Variants in NRAP observed in about 807,000 individuals in gnomAD.
The protein encoded by NRAP is nebulin related anchoring protein.
NRAP carries 189 observed loss-of-function variants against 225.9 expected under a neutral mutation model. That is an observed-to-expected ratio of 0.84 (90% confidence interval 0.74 to 0.94). NRAP has a LOEUF of 0.94. Ranked by LOEUF, NRAP falls within the 40% of genes least tolerant of loss-of-function variation. The probability of loss-of-function intolerance (pLI) is 0.00; values close to 1 mark genes in which losing one functional copy is unlikely to be tolerated. For missense variants in NRAP, 2,176 were observed against 2,168.7 expected (o/e 1.00, Z -0.07); for synonymous variants, 769 against 790.7 (o/e 0.97, Z 0.46).
Position 113,589,721 on chromosome 10 carries a change from G to C in NRAP, c.5033C>G (p.Ala1678Gly), listed in dbSNP as rs144506958. The C allele has an allele frequency of 6.2e-7, 1 of 1,614,192 alleles. No homozygotes were observed. The highest frequency in any genetic ancestry group is 1.3e-5 in the African/African-American group (1 of 75,046). ...GTTGGCCAGTTCCGCAGCCCGCCGA[G>C]CCATTTCCACTTTGTAGGAGCCAGG... ...TPPGSYKVEM[A>G]RRAAELANAR... Residue 1678 changes from alanine to glycine, a missense_variant, in exon 41 of 42, where the codon GCT (alanine) becomes GGT (glycine). By Grantham distance (60) the Ala-to-Gly change is moderately conservative (BLOSUM62 0). This residue lies in a region of NRAP where 445 missense variants were observed against 426.1 expected (regional missense o/e 1.04). Coordinates refer to ENST00000359988, the MANE Select transcript of NRAP (RefSeq NM_198060.4).
rs183652071 is a variant in NRAP at position 113,651,301 on chromosome 10, A to C, written c.675+502T>G. On this transcript the variant is annotated intron_variant, in intron 7 of 41. Transcript: ENST00000359988. ...AGGGATCTTAAGTGCAAACCACTAC[A>C]TCTTGGCCTTCCTCATTTCTCTCTC... Among the ~76,000 whole-genome samples the C allele has an allele frequency of 2.0e-5, 3 of 152,322 alleles. No homozygotes were observed. In the East Asian group the frequency reaches 5.8e-4, roughly 29 times the overall value.
intron 35 of NRAP, among the ~76,000 whole-genome samples, chr10:113,599,929 A>G (rs1342386255): frequency 6.6e-6 from 1 of 152,274 alleles, no homozygotes; most frequent in African/African-American, 2.4e-5. Context: ...CGGCACCCCC[A>G]TTTTGGAGCA....
At chr10:113,659,268 A>G (rs373874061) in intron 3 of NRAP, among the ~76,000 whole-genome samples, 1 of 152,274 alleles carries the variant, frequency 6.6e-6, no homozygotes, top group East Asian at 1.9e-4. Flanking sequence ...TGGCTCGGGC[A>G]TAGCAAGATG....
Position 113,595,654 on chromosome 10 carries a change from C to G in NRAP, c.4505G>C (p.Arg1502Pro). Residue 1502 changes from arginine to proline, a missense_variant, in exon 38 of 42, where the codon CGA (arginine) becomes CCA (proline). Transcript: ENST00000359988. ...TLIPDHPDFT[R>P]ARLNALHLSD... ...CAGATGCAGCGCATTGAGGCGAGCT[C>G]GGGTGAAATCGGGATGGTCGGGGAT... The G allele has an allele frequency of 6.2e-7, 1 of 1,613,628 alleles. No individual in the cohort carries two copies.
chr10:113,589,509 T>G (rs1845810557), intron 41 of NRAP, 157 bp downstream of exon 41: 6 of 815,278 alleles, frequency 7.4e-6, no homozygotes, highest in Non-Finnish European at 1.1e-5. Flanking sequence ...CCTGGTCATC[T>G]CAGACCCATG....
Position 113,646,915 on chromosome 10 carries a change from G to A in NRAP, c.993+8C>T, listed in dbSNP as rs193051579. 1 of 1,592,836 alleles carries A rather than the reference G, an allele frequency of 6.3e-7. No homozygotes were observed. ...CTGGCTCTGTGGTCACACCTACATG[G>A]TACTTACGTCACTAGCGAGTTCGTG... On this transcript the variant is annotated splice_region_variant and intron_variant, in intron 10 of 41. Transcript: ENST00000359988.
intron 9 of NRAP, among the ~76,000 whole-genome samples, chr10:113,649,187 C>T (rs937718394): frequency 6.6e-6 from 1 of 152,230 alleles, no homozygotes; most frequent in African/African-American, 2.4e-5. Flanking sequence ...CCTTCACACA[C>T]ATCCTAAGAC....
At chr10:113,660,482 T>C (rs1446308408) in intron 3 of NRAP, among the ~76,000 whole-genome samples, 1 of 152,108 alleles carries the variant, frequency 6.6e-6, no homozygotes, top group Non-Finnish European at 1.5e-5. Flanking sequence ...TGGCTGGAAA[T>C]AGAACCAGCA....
At chr10:113,662,426 A>C (rs1251630534) in intron 3 of NRAP, among the ~76,000 whole-genome samples, 1 of 152,124 alleles carries the variant, frequency 6.6e-6, no homozygotes, top group African/African-American at 2.4e-5. Flanking sequence ...GCTATAGGAC[A>C]TTACAACATG....
rs371831869 is a variant in NRAP at position 113,612,339 on chromosome 10, G to A, written c.3393C>T (p.Thr1131=). The A allele has an allele frequency of 1.9e-5, 31 of 1,614,004 alleles. 1 individual carries two copies. Among genetic ancestry groups the A allele is most frequent in the Non-Finnish European group, 2.5e-5 (30 of 1,180,002 alleles). Residue 1131 remains threonine, a synonymous_variant, in exon 30 of 42, where the codon ACC becomes ACT. Coordinates refer to ENST00000359988, the MANE Select transcript of NRAP (RefSeq NM_198060.4). The part of the protein sequence containing the change: ...AALVHAKKAQ[T]LASNQDYKHP... ...GTTTGTAGTCCTGATTGCTGGCCAG[G>A]GTCTGAGCCTTCTTGGCATGCACCA... is the stretch of plus-strand genomic sequence containing the variant.
chr10:113,629,626 T>G lies in NRAP; in HGVS notation c.2002A>C (p.Thr668Pro), dbSNP rs1218484255. The G allele has an allele frequency of 1.3e-5, 21 of 1,613,938 alleles. No homozygotes were observed. Among genetic ancestry groups the G allele is most frequent in the Non-Finnish European group, 1.7e-5 (20 of 1,179,856 alleles). Residue 668 changes from threonine to proline, a missense_variant, in exon 19 of 42, where the codon ACT becomes CCT. Around this residue, in one of 3 missense-constraint regions of NRAP, gnomAD observed 1,708 missense variants for 1,695.5 expected, o/e 1.01. Transcript: ENST00000359988. ...CCATAGGCCTTCTTGGCCCACTGAG[T>G]CTTCATATCTTCAGGCAGCACAGTG... Reference protein sequence around the residue: ...EYTVLPEDMKTQWAKKAYGLQ... With the variant: ...EYTVLPEDMKPQWAKKAYGLQ...
intron 22 of NRAP, 38 bp from the exon 23 acceptor site, chr10:113,623,674 T>G: frequency 7.5e-7 from 1 of 1,338,970 alleles, no homozygotes; most frequent in Non-Finnish European, 1.1e-6. Flanking sequence ...TGGGTTTTCA[T>G]GTGAGAGGGT....
chr10:113,592,991 T>C (rs570118337), intron 38 of NRAP, among the ~76,000 whole-genome samples: 1 of 152,274 alleles, frequency 6.6e-6, no homozygotes, highest in East Asian at 1.9e-4. Context: ...CTCTTAGTCC[T>C]CAGGTAGACC....
chr10:113,612,307 A>C lies in NRAP; in HGVS notation c.3425T>G (p.Leu1142Arg), dbSNP rs1276035861. The change falls in exon 30 of 42, where the codon CTG becomes CGG. Residue 1142 changes from leucine to arginine, a missense_variant. Leu to Arg is a moderately radical substitution (Grantham distance 102). Around this residue, in one of 3 missense-constraint regions of NRAP, gnomAD observed 1,708 missense variants for 1,695.5 expected, o/e 1.01. Coordinates refer to ENST00000359988, the MANE Select transcript of NRAP (RefSeq NM_198060.4). ...TTCTGCCAAGGAAGTGTACTGGGGC[A>C]GTGGATGTTTGTAGTCCTGATTGCT... ...LASNQDYKHP[L>R]PQYTSLAEDL... 1.2e-6 allele frequency: 2 copies of C among 1,614,188 alleles called. No individual in the cohort carries two copies. Among genetic ancestry groups the C allele is most frequent in the Non-Finnish European group, 8.5e-7 (1 of 1,180,014 alleles).
intron 14 of NRAP, among the ~76,000 whole-genome samples, chr10:113,639,592 T>C (rs1263778566): frequency 5.9e-5 from 9 of 152,220 alleles, no homozygotes; most frequent in African/African-American, 2.2e-4. Flanking sequence ...TTTAAGCTAG[T>C]AGGTGACTTT....
At chr10:113,605,598 T>TC (rs1455254453) in intron 34 of NRAP, among the ~76,000 whole-genome samples, 164 bp downstream of exon 34, 8 of 152,154 alleles carry the variant, frequency 5.3e-5, no homozygotes, top group South Asian at 2.1e-4. Flanking sequence ...GCCTTTCTTT[T>TC]CCCCCCTCAA....
At chr10:113,624,983 G>C in intron 21 of NRAP, 53 bp from the exon 22 acceptor site, 1 of 1,105,976 alleles carries the variant, frequency 9.0e-7, no homozygotes, top group Non-Finnish European at 1.4e-6. Flanking sequence ...GAGGTGGGCA[G>C]GGTGGCATCC....
At chr10:113,625,544 A>C (rs1442108579) in intron 21 of NRAP, among the ~76,000 whole-genome samples, 1 of 152,206 alleles carries the variant, frequency 6.6e-6, no homozygotes, top group African/African-American at 2.4e-5. Flanking sequence ...ACCTTTAGGA[A>C]GGAAAGCTAG....
intron 35 of NRAP, among the ~76,000 whole-genome samples, chr10:113,601,275 C>G (rs1846583723): frequency 1.3e-5 from 2 of 152,106 alleles, no homozygotes; most frequent in Admixed American, 6.6e-5. Flanking sequence ...CTACCCAGAG[C>G]TTTCTCTCTG....
Sources: gnomAD v4.1 joint callset for allele counts (sites outside exome capture counted in the v4.1 genomes callset) on GRCh38, gnomAD v4.1.1 for gene constraint, gnomAD v4.1.1 regional missense constraint, MANE v1.5 for transcripts, NCBI Gene and HGNC (gene_info 2026-07-23, HGNC 2026-07-21) for gene names.